Variants in CR1 observed in about 807,000 individuals in gnomAD.
The protein encoded by CR1 is complement C3b/C4b receptor 1 (Knops blood group).
A neutral mutation model predicts 187.3 loss-of-function variants in CR1; 116 were observed. The observed-to-expected ratio is 0.62, with a 90% CI of 0.53 to 0.72. CR1 has a LOEUF of 0.72. CR1 is among the 30% of genes least tolerant of loss of function. The pLI, the probability that CR1 is intolerant of heterozygous loss-of-function variation, is 0.00. For missense variants in CR1, 1,731 were observed against 2,110.7 expected (o/e 0.82, Z 3.52); for synonymous variants, 576 against 747.1 (o/e 0.77, Z 3.73).
rs750752661 is a variant in CR1, at chr1:207,611,664, G to C, written c.6296-13G>C. 3.7e-6 allele frequency: 6 copies of C among 1,613,518 alleles called. No individual in the cohort carries two copies. In the East Asian group the frequency reaches 1.1e-4, roughly 30 times the overall value. On this transcript the variant is annotated splice_polypyrimidine_tract_variant and intron_variant, in intron 37 of 46. Coordinates refer to ENST00000367049, the MANE Select transcript of CR1 (RefSeq NM_000651.6). Reference sequence around the variant, plus strand: ...CATATCTAACAAGTGCTCTGGAACTGTCCTTTCCACAGTGTGTCAGCCGCC... The same window carrying C: ...CATATCTAACAAGTGCTCTGGAACTCTCCTTTCCACAGTGTGTCAGCCGCC...
rs1660069326 is a variant in CR1, at chr1:207,523,726, G to A, written c.603G>A (p.Gly201=). ...ACCGCTGCAATCCTGGAAGCGGAGG[G>A]AGAAAGGTGTTTGAGCTTGTGGGTG... ...VTYRCNPGSG[G]RKVFELVGEP... is the part of the protein sequence containing the mutation. Residue 201 remains glycine, a synonymous_variant, in exon 5 of 47, where the codon GGG becomes GGA. Coordinates refer to ENST00000367049, the MANE Select transcript of CR1 (RefSeq NM_000651.6). 2 of 1,612,788 alleles carry A rather than the reference G, an allele frequency of 1.2e-6. No homozygotes were observed. The highest frequency in any genetic ancestry group is 1.7e-6 in the Non-Finnish European group (2 of 1,179,876).
rs191751915 is a variant in CR1 at position 207,614,481 on chromosome 1, T to C, written c.6653T>C (p.Val2218Ala). 486 of 1,609,930 alleles carry C rather than the reference T, an allele frequency of 3.0e-4. 8 individuals are homozygous for C. In the East Asian group the frequency reaches 0.011, roughly 36 times the overall value. ...MKALWNSSVP[V>A]CEQIFCPNPP... ...GCCCTTTGGAATAGCAGTGTTCCAG[T>C]GTGTGAACGTGAGTAGAAAGAACTA... Residue 2218 changes from valine (V) to alanine (A), a missense_variant, in exon 40 of 47, where the codon GTG becomes GCG. Around this residue, in one of 5 missense-constraint regions of CR1, gnomAD observed 1,312 missense variants for 1,379.6 expected, o/e 0.95. Transcript: ENST00000367049.
intron 46 of CR1, among the ~76,000 whole-genome samples, chr1:207,636,336 T>G (rs904840557): frequency 6.6e-6 from 1 of 152,154 alleles, no homozygotes; most frequent in African/African-American, 2.4e-5. Context: ...TTTCAAAAAT[T>G]TGTTCCTTTA....
intron 35 of CR1, among the ~76,000 whole-genome samples, chr1:207,595,756 G>A (rs1661412097): frequency 6.6e-6 from 1 of 151,298 alleles, no homozygotes. Flanking sequence ...AAATGGTGTT[G>A]TATCAAAGAA....
chr1:207,608,809 T>C (rs11118167), intron 36 of CR1, among the ~76,000 whole-genome samples: 24,384 of 152,192 alleles, frequency 0.16, 2,530 homozygotes, highest in South Asian at 0.38. Flanking sequence ...TATTATCTTA[T>C]GATAGAACAC....
chr1:207,605,674 T>A (rs2102378687), intron 35 of CR1, among the ~76,000 whole-genome samples: 1 of 152,308 alleles, frequency 6.6e-6, no homozygotes. Flanking sequence ...AACTTTTAAA[T>A]GTATGATAGG....
chr1:207,618,130 T>C lies in CR1; in HGVS notation c.6949T>C (p.Tyr2317His), dbSNP rs1209011751. The C allele has an allele frequency of 4.3e-6, 7 of 1,613,890 alleles. No homozygotes were observed. The highest frequency in any genetic ancestry group is 5.9e-6 in the Non-Finnish European group (7 of 1,179,882). Residue 2317 changes from tyrosine (Y) to histidine (H), a missense_variant, in exon 42 of 47, where the codon TAT (tyrosine) becomes CAT (histidine). Tyr to His is a moderately conservative substitution (Grantham distance 83). Around this residue, in one of 5 missense-constraint regions of CR1, gnomAD observed 1,312 missense variants for 1,379.6 expected, o/e 0.95. Coordinates refer to ENST00000367049, the MANE Select transcript of CR1 (RefSeq NM_000651.6). ...TTACATTGGAGGACACGTATCTCTA[T>C]ATCTTCCTGGGATGACAATCAGCTA... ...GHYIGGHVSL[Y>H]LPGMTISYIC...
chr1:207,592,840 T>G (rs1288396986), intron 35 of CR1, among the ~76,000 whole-genome samples: 1 of 152,084 alleles, frequency 6.6e-6, no homozygotes, highest in Non-Finnish European at 1.5e-5. Context: ...ACTCCCATTC[T>G]AAATTCCTGC....
intron 35 of CR1, among the ~76,000 whole-genome samples, chr1:207,589,520 G>T (rs1227539571): frequency 1.3e-5 from 2 of 152,132 alleles, no homozygotes; most frequent in Admixed American, 6.5e-5. Flanking sequence ...AGCACAAAAA[G>T]GCTGAAAATT....
At chr1:207,565,593 C>T (rs555206940) in intron 23 of CR1, among the ~76,000 whole-genome samples, 5 of 150,336 alleles carry the variant, frequency 3.3e-5, no homozygotes, top group Non-Finnish European at 5.9e-5. Context: ...GGGATGGCGC[C>T]TATGTCATGA....
chr1:207,607,264 G>A lies in CR1; in HGVS notation c.5824G>A (p.Gly1942Ser). Residue 1942 changes from glycine to serine, a missense_variant, in exon 36 of 47, where the codon GGT becomes AGT. Gly to Ser is a moderately conservative substitution (Grantham distance 56, BLOSUM62 0). Transcript: ENST00000367049. ...CCTTTGCTTTAGGTTTCGACTCATT[G>A]GTTCCCCATCTACTACTTGTCTCGT... ...YSCNEGFRLI[G>S]SPSTTCLVSG... 6.2e-7 allele frequency: 1 copy of A among 1,613,274 alleles called. No individual in the cohort carries two copies.
chr1:207,604,797 G>A (rs925596190), intron 35 of CR1, among the ~76,000 whole-genome samples: 2 of 152,138 alleles, frequency 1.3e-5, no homozygotes, highest in Non-Finnish European at 2.9e-5. Flanking sequence ...ACTTCCATGT[G>A]AAATCTAAAA....
At chr1:207,591,966 C>A (rs897112728) in intron 35 of CR1, among the ~76,000 whole-genome samples, 3 of 151,950 alleles carry the variant, frequency 2.0e-5, no homozygotes, top group East Asian at 1.9e-4. Context: ...GCCTACCAAC[C>A]AAAAAAAGCC....
intron 35 of CR1, among the ~76,000 whole-genome samples, chr1:207,594,267 G>T (rs1000334251): frequency 2.6e-5 from 4 of 151,870 alleles, no homozygotes; most frequent in Non-Finnish European, 4.4e-5. Context: ...GGAATACTAT[G>T]CAGCCATAAA....
chr1:207,623,911 CTTTTTTTTTTTTTTTTTT>C (rs71154830), intron 45 of CR1, among the ~76,000 whole-genome samples: 2 of 52,474 alleles, frequency 3.8e-5, no homozygotes, highest in African/African-American at 1.4e-4. Flanking sequence ...ACACCATTAA[CTTTTTTTTTTTTTTTTTT>C]TTTTTTTTTT....
intron 4 of CR1, among the ~76,000 whole-genome samples, chr1:207,514,079 G>T (rs1267578638): frequency 6.6e-6 from 1 of 151,874 alleles, no homozygotes; most frequent in Non-Finnish European, 1.5e-5. Context: ...TACATATATT[G>T]ATGTAATCAT....
At chr1:207,620,097 C>G in intron 43 of CR1, 32 bp downstream of exon 43, 2 of 1,589,052 alleles carry the variant, frequency 1.3e-6, no homozygotes, top group East Asian at 2.2e-5. Context: ...GTGGGATCTT[C>G]CCGGTCATGG....
chr1:207,576,605 C>T (rs544760701), intron 28 of CR1, among the ~76,000 whole-genome samples: 101 of 152,204 alleles, frequency 6.6e-4, no homozygotes, highest in African/African-American at 2.2e-3. Flanking sequence ...ATGGCTTTAG[C>T]CCAGGAGTTT....
chr1:207,568,393 C>T (rs1383423758), intron 25 of CR1, among the ~76,000 whole-genome samples: 15 of 94,246 alleles, frequency 1.6e-4, no homozygotes, highest in African/African-American at 7.0e-4. Context: ...CTTGAGTTCC[C>T]GCCCATGCTT....
Sources: gnomAD v4.1 joint callset for allele counts (sites outside exome capture counted in the v4.1 genomes callset) on GRCh38, gnomAD v4.1.1 for gene constraint, gnomAD v4.1.1 regional missense constraint, MANE v1.5 for transcripts, NCBI Gene and HGNC (gene_info 2026-07-23, HGNC 2026-07-21) for gene names.